Variants in NCKAP5 observed in about 807,000 individuals in gnomAD.
NCKAP5 encodes nck-associated protein 5.
A neutral mutation model predicts 167.0 loss-of-function variants in NCKAP5; 92 were observed. The ratio of observed to expected loss-of-function variants is 0.55; its 90% CI spans 0.47 to 0.66. NCKAP5 has a LOEUF of 0.66. Ranked by LOEUF, NCKAP5 falls within the 30% of genes least tolerant of loss-of-function variation. The pLI is 0.00. For synonymous variants in NCKAP5, 891 were observed against 877.4 expected, an observed-to-expected ratio of 1.02 and a Z score of -0.27; for missense variants, 2,378 against 2,315.0, an observed-to-expected ratio of 1.03 and a Z score of -0.56.
chr2:133,548,424 T>G (rs1291770194), intron 2 of NCKAP5, among the ~76,000 whole-genome samples: 23 of 151,200 alleles, frequency 1.5e-4, no homozygotes, highest in Non-Finnish European at 3.0e-5. Flanking sequence ...GACACATAAT[T>G]GTCAGATTCA....
At chr2:133,007,058 C>T (rs1429356203) in intron 6 of NCKAP5, among the ~76,000 whole-genome samples, 1 of 152,160 alleles carries the variant, frequency 6.6e-6, no homozygotes, top group Non-Finnish European at 1.5e-5. Flanking sequence ...TCAGCCTCAA[C>T]TCTTGGGGCC....
chr2:133,325,105 A>C (rs1427534621), intron 3 of NCKAP5, among the ~76,000 whole-genome samples: 1 of 152,160 alleles, frequency 6.6e-6, no homozygotes, highest in Non-Finnish European at 1.5e-5. Context: ...TATAACTGTG[A>C]AAAAAATGGA....
chr2:133,279,309 C>T lies in NCKAP5; in HGVS notation c.143+23728G>A, dbSNP rs114646835. 4.1e-3 allele frequency among the ~76,000 whole-genome samples: 621 copies of T among 152,236 alleles called. 2 individuals carry two copies. The highest frequency in any genetic ancestry group is 0.014 in the African/African-American group (580 of 41,532). On this transcript the variant is annotated intron_variant, in intron 4 of 19. Coordinates refer to ENST00000409261, the MANE Select transcript of NCKAP5 (RefSeq NM_207363.3). ...TTGTATCCCTATTTTATGGCTTATC[C>T]GTCAGGTTTGGATTGTATACTACAA... is the stretch of plus-strand genomic sequence containing the variant.
chr2:133,271,928 A>T, intron 4 of NCKAP5, among the ~76,000 whole-genome samples: 1 of 152,212 alleles, frequency 6.6e-6, no homozygotes, highest in East Asian at 1.9e-4. Flanking sequence ...TCTGTGAAGT[A>T]AAAATATTAA....
At chr2:133,661,928 G>T in the NCKAP5 span, among the ~76,000 whole-genome samples, 1 of 151,990 alleles carries the variant, frequency 6.6e-6, no homozygotes, top group African/African-American at 2.4e-5. Flanking sequence ...ACATGGAGCC[G>T]GTAAACTAAG....
intron 8 of NCKAP5, among the ~76,000 whole-genome samples, chr2:132,882,288 G>A (rs1254153969): frequency 1.3e-5 from 2 of 152,228 alleles, no homozygotes; most frequent in African/African-American, 2.4e-5. Flanking sequence ...GCCTGTATCA[G>A]TTGCTACCAA....
In NCKAP5 at chr2:133,483,018, C is replaced by T. The variant is rs377415479; in HGVS notation, c.69+34440G>A. On this transcript the variant is annotated intron_variant, in intron 3 of 19. Coordinates refer to ENST00000409261, the MANE Select transcript of NCKAP5 (RefSeq NM_207363.3). ...CACTAAATCATACAGCTTTCCATTG[C>T]CACTTTAATTAAATGGGTTAGATTC... Among the ~76,000 whole-genome samples the T allele has an allele frequency of 1.6e-3, 236 of 152,240 alleles. 1 individual carries two copies. Among genetic ancestry groups the T allele is most frequent in the African/African-American group, 5.4e-3 (223 of 41,552 alleles).
chr2:132,674,957 C>T (rs1222895845), intron 19 of NCKAP5, among the ~76,000 whole-genome samples: 1 of 152,168 alleles, frequency 6.6e-6, no homozygotes, highest in East Asian at 1.9e-4. Context: ...GAAATAACTC[C>T]ATCCAAGGGC....
At chr2:133,304,783 G>A (rs1319763910) in intron 3 of NCKAP5, among the ~76,000 whole-genome samples, 2 of 152,206 alleles carry the variant, frequency 1.3e-5, no homozygotes, top group Admixed American at 6.5e-5. Context: ...ATCATCAAGA[G>A]GGGGAAAGCC....
the NCKAP5 span, among the ~76,000 whole-genome samples, chr2:133,648,261 TAA>T: frequency 6.6e-6 from 1 of 150,994 alleles, no homozygotes; most frequent in African/African-American, 2.4e-5. Context: ...CTAGATATAT[TAA>T]AAAAAAACTG....
intron 5 of NCKAP5, among the ~76,000 whole-genome samples, chr2:133,162,294 T>A (rs775363674): frequency 6.6e-6 from 1 of 152,262 alleles, no homozygotes; most frequent in African/African-American, 2.4e-5. Flanking sequence ...AATTACTGCA[T>A]TTAAAATTCA....
chr2:133,225,779 CT>C (rs1003972708), intron 4 of NCKAP5, among the ~76,000 whole-genome samples: 1,255 of 39,610 alleles, frequency 0.032, 7 homozygotes, highest in African/African-American at 0.081. Context: ...ATGCCCTGTT[CT>C]TTTTTTTTTT....
At chr2:133,183,272 G>A (rs1393899406) in intron 5 of NCKAP5, among the ~76,000 whole-genome samples, 2 of 151,984 alleles carry the variant, frequency 1.3e-5, no homozygotes, top group Admixed American at 6.6e-5. Context: ...TATAAAATTA[G>A]TATTACCCTG....
intron 4 of NCKAP5, among the ~76,000 whole-genome samples, chr2:133,262,939 C>T (rs900139906): frequency 9.2e-5 from 14 of 152,164 alleles, no homozygotes; most frequent in African/African-American, 2.9e-4. Context: ...TGTTAGCCAT[C>T]AGCACAGTGC....
intron 12 of NCKAP5, among the ~76,000 whole-genome samples, chr2:132,791,637 C>G (rs766695787): frequency 1.1e-4 from 16 of 152,166 alleles, no homozygotes; most frequent in Non-Finnish European, 1.8e-4. Flanking sequence ...CTTTGTGTCA[C>G]TTGCAGAGTG....
rs571769298 is a variant in NCKAP5 at position 133,368,294 on chromosome 2, C to T, written c.70-65184G>A. ...TTTTTTCTATTAGATAGATCCCTTACCCAAGTGTGCACATGAATTTTAAAA... is the reference window on the plus strand; with the variant it reads ...TTTTTTCTATTAGATAGATCCCTTATCCAAGTGTGCACATGAATTTTAAAA... On this transcript the variant is annotated intron_variant, in intron 3 of 19. Transcript: ENST00000409261. Among the ~76,000 whole-genome samples the T allele has an allele frequency of 1.7e-4, 26 of 152,222 alleles. No individual in the cohort carries two copies. In the South Asian group the frequency reaches 4.6e-3, roughly 27 times the overall value.
At chr2:133,213,929 CTGAT>C (rs1162712294) in intron 4 of NCKAP5, 150 bp from the exon 5 acceptor site, 1 of 701,350 alleles carries the variant, frequency 1.4e-6, no homozygotes, top group East Asian at 2.7e-5. Flanking sequence ...AATATTTAAA[CTGAT>C]TGGTCATGAA....
At chr2:133,155,905 G>A (rs1443502486) in intron 5 of NCKAP5, among the ~76,000 whole-genome samples, 3 of 152,266 alleles carry the variant, frequency 2.0e-5, no homozygotes, top group African/African-American at 7.2e-5. Flanking sequence ...CTTTTTCTAC[G>A]TGTGTGCACA....
At chr2:132,688,831 C>T (rs895474761) in intron 19 of NCKAP5, among the ~76,000 whole-genome samples, 1 of 151,682 alleles carries the variant, frequency 6.6e-6, no homozygotes, top group Non-Finnish European at 1.5e-5. Context: ...ACAAAAAATA[C>T]AAAAATTAGC....
Sources: allele counts gnomAD v4.1 joint callset (sites outside exome capture counted in the v4.1 genomes callset), GRCh38; gene constraint gnomAD v4.1.1; transcripts MANE v1.5; gene names NCBI Gene and HGNC (gene_info 2026-07-23, HGNC 2026-07-21).